Variants in ATP2B2 observed in about 807,000 individuals in gnomAD.
ATP2B2 encodes the protein plasma membrane calcium-transporting ATPase 2.
ATP2B2 carries 15 observed loss-of-function variants against 120.0 expected under a neutral mutation model. The observed-to-expected ratio is 0.12, with a 90% CI of 0.08 to 0.19. The LOEUF is 0.19. Ranked by LOEUF, ATP2B2 falls within the 10% of genes least tolerant of loss-of-function variation. ATP2B2 has a pLI of 1.00. For missense variants in ATP2B2, 1,045 were observed against 1,719.8 expected, an observed-to-expected ratio of 0.61 and a Z score of 6.94; for synonymous variants, 694 against 700.3, an observed-to-expected ratio of 0.99 and a Z score of 0.14.
At chr3:10,605,512 T>C (rs912818385) in intron 2 of ATP2B2, among the ~76,000 whole-genome samples, 2 of 152,180 alleles carry the variant, frequency 1.3e-5, no homozygotes, top group East Asian at 1.9e-4. Context: ...TGGGGAACAG[T>C]TCTGGGAACC....
Position 10,375,597 on chromosome 3 carries a change from T to C in ATP2B2, c.1249A>G (p.Thr417Ala). 1 of 1,613,702 alleles carries C rather than the reference T, an allele frequency of 6.2e-7. No individual in the cohort carries two copies. Among genetic ancestry groups the C allele is most frequent in the Non-Finnish European group, 8.5e-7 (1 of 1,180,020 alleles). The change falls in exon 11 of 23, where the codon ACT becomes GCT. Residue 417 changes from threonine to alanine, a missense_variant. Thr to Ala is a moderately conservative substitution (Grantham distance 58). This residue lies in a region of ATP2B2 where 343 missense variants were observed against 536.8 expected (regional missense o/e 0.64). Coordinates refer to ENST00000360273, the MANE Select transcript of ATP2B2 (RefSeq NM_001001331.4). The surrounding 1 kb of genome is among the most constrained non-coding windows in gnomAD (Gnocchi z 4.2). ...ITVIILVLYF[T>A]VDTFVVNKKP... ...TTGTTGACCACGAAGGTGTCCACAG[T>C]GAAGTAGAGCACCAGGATGATCACC...
chr3:10,461,763 G>T (rs961014488), intron 1 of ATP2B2, among the ~76,000 whole-genome samples: 3 of 152,026 alleles, frequency 2.0e-5, no homozygotes, highest in African/African-American at 4.8e-5. Context: ...CCTGGTTTTG[G>T]GTTCTAAAGT....
intron 2 of ATP2B2, among the ~76,000 whole-genome samples, chr3:10,590,585 G>A (rs1225089073): frequency 1.3e-5 from 2 of 152,132 alleles, no homozygotes; most frequent in African/African-American, 4.8e-5. Context: ...CCTCCAATGT[G>A]AAGAAAGAGG....
chr3:10,612,263 C>T (rs2069260428), intron 2 of ATP2B2, among the ~76,000 whole-genome samples: 2 of 152,210 alleles, frequency 1.3e-5, no homozygotes, highest in Non-Finnish European at 2.9e-5. Context: ...ACCGTTCCCA[C>T]CTTGGTCCTC....
intron 2 of ATP2B2, among the ~76,000 whole-genome samples, chr3:10,605,496 G>A (rs1487206158): frequency 1.3e-5 from 2 of 152,166 alleles, no homozygotes; most frequent in African/African-American, 4.8e-5. Context: ...CAGGCTGGGG[G>A]GAAACTGGGG....
chr3:10,605,449 C>CT (rs1175092682), intron 2 of ATP2B2, among the ~76,000 whole-genome samples: 1 of 152,156 alleles, frequency 6.6e-6, no homozygotes, highest in Non-Finnish European at 1.5e-5. Context: ...CAAAGTCTTT[C>CT]TTTTTCCCTG....
At chr3:10,647,930 C>A (rs989236059) in intron 1 of ATP2B2, among the ~76,000 whole-genome samples, 5 of 152,164 alleles carry the variant, frequency 3.3e-5, no homozygotes, top group Non-Finnish European at 5.9e-5. Context: ...ATTCCACACA[C>A]AATGGTCTTC....
chr3:10,379,600 G>A (rs1174494950), intron 8 of ATP2B2, among the ~76,000 whole-genome samples: 1 of 152,204 alleles, frequency 6.6e-6, no homozygotes, highest in Non-Finnish European at 1.5e-5. Context: ...CAGGGGATTA[G>A]AGTCTGCTGG....
intron 1 of ATP2B2, among the ~76,000 whole-genome samples, chr3:10,705,186 A>G (rs948925481): frequency 4.6e-5 from 7 of 152,240 alleles, no homozygotes; most frequent in African/African-American, 1.7e-4. Context: ...CCTACAGAAC[A>G]GTCAAATCTT....
intron 1 of ATP2B2, among the ~76,000 whole-genome samples, chr3:10,649,894 A>G (rs2070411121): frequency 6.6e-6 from 1 of 152,218 alleles, no homozygotes; most frequent in Non-Finnish European, 1.5e-5. Context: ...TTCACCTTCC[A>G]CAATGTTTGT....
chr3:10,553,201 C>G (rs1411154549), intron 2 of ATP2B2, among the ~76,000 whole-genome samples: 1 of 152,186 alleles, frequency 6.6e-6, no homozygotes, highest in African/African-American at 2.4e-5. Context: ...ACAAATAAGT[C>G]TGAGAATTGC....
intron 12 of ATP2B2, among the ~76,000 whole-genome samples, chr3:10,366,395 A>G (rs1258843399): frequency 6.6e-6 from 1 of 152,190 alleles, no homozygotes; most frequent in Non-Finnish European, 1.5e-5. Context: ...GGGCTTCACC[A>G]GGCGAAGCTT....
intron 17 of ATP2B2, 42 bp downstream of exon 17, chr3:10,345,989 C>T (rs1181787559): frequency 6.4e-7 from 1 of 1,569,394 alleles, no homozygotes; most frequent in Admixed American, 1.8e-5. Flanking sequence ...GTCCAATCTC[C>T]CCAGCCCCCA....
intron 2 of ATP2B2, among the ~76,000 whole-genome samples, chr3:10,592,919 A>G (rs1476735053): frequency 1.2e-4 from 18 of 152,018 alleles, no homozygotes; most frequent in Admixed American, 1.2e-3. Flanking sequence ...AGTAGCTGGG[A>G]CTACAGGTAT....
In ATP2B2 at chr3:10,326,528, A is replaced by C. The variant is rs2125311210; in HGVS notation, c.*2286T>G. 2.5e-6 allele frequency: 1 copy of C among 396,068 alleles called. No individual in the cohort carries two copies. The highest frequency in any genetic ancestry group is 6.4e-4 in the Middle Eastern group (1 of 1,570). 24.5% of individuals were successfully genotyped at this position (396,068 alleles called of 1,614,324 possible). A position where few individuals can be genotyped will look rare whatever the true frequency, so the allele number is the denominator to read the frequency against. On this transcript the variant is annotated 3_prime_UTR_variant, in exon 23 of 23. Coordinates refer to ENST00000360273, the MANE Select transcript of ATP2B2 (RefSeq NM_001001331.4). Reference sequence around the variant, plus strand: ...GGGAGATGGAAAACTGTGAGAAAGGAAACTCCAAAAAACACCATGTTCCAA... The same window carrying C: ...GGGAGATGGAAAACTGTGAGAAAGGCAACTCCAAAAAACACCATGTTCCAA...
intron 1 of ATP2B2, among the ~76,000 whole-genome samples, chr3:10,487,728 T>C (rs558198576): frequency 3.9e-5 from 6 of 152,218 alleles, no homozygotes; most frequent in Non-Finnish European, 8.8e-5. Context: ...TGGCCGTTAA[T>C]GTTCATGGGA....
At position 10,345,513 on chromosome 3, in the gene ATP2B2, G is replaced by A; in HGVS notation, c.2574C>T (p.Phe858=). ...ACATCACTGCCTTGACGATGCTGCT[G>A]AAATTGTCGTCTGTCAGGATGATGT... ...ASDIILTDDN[F]SSIVKAVMWG... The change falls in exon 18 of 23, where the codon TTC becomes TTT. Residue 858 remains phenylalanine, a synonymous_variant. Coordinates refer to ENST00000360273, the MANE Select transcript of ATP2B2 (RefSeq NM_001001331.4). The A allele has an allele frequency of 6.2e-7, 1 of 1,614,224 alleles. No individual in the cohort carries two copies. The highest frequency in any genetic ancestry group is 8.5e-7 in the Non-Finnish European group (1 of 1,180,032).
chr3:10,420,713 T>C (rs1228810758), intron 2 of ATP2B2, among the ~76,000 whole-genome samples: 2 of 152,178 alleles, frequency 1.3e-5, no homozygotes, highest in African/African-American at 4.8e-5. Flanking sequence ...GTGCCTGCCA[T>C]ACAGAGTTAA....
chr3:10,628,910 C>T (rs1434598978), intron 1 of ATP2B2, among the ~76,000 whole-genome samples: 1 of 152,144 alleles, frequency 6.6e-6, no homozygotes, highest in African/African-American at 2.4e-5. Context: ...CAGTATATAA[C>T]CTTGTTTTAA....
Sources: allele counts gnomAD v4.1 joint callset (sites outside exome capture counted in the v4.1 genomes callset), GRCh38; gene constraint gnomAD v4.1.1; regional missense constraint gnomAD v4.1.1; non-coding constraint Gnocchi (gnomAD v3.1); transcripts MANE v1.5; gene names NCBI Gene and HGNC (gene_info 2026-07-23, HGNC 2026-07-21).